The following MYO7B variants were observed in gnomAD, a reference collection of about 807,000 sequenced individuals.
The protein encoded by MYO7B is myosin VIIB.
A neutral mutation model predicts 259.7 loss-of-function variants in MYO7B; 212 were observed. The observed-to-expected ratio is 0.82, with a 90% CI of 0.73 to 0.91. The LOEUF (loss-of-function observed/expected upper bound fraction) is 0.91, where lower values mean the gene tolerates loss of function less well. Among genes scored for constraint, MYO7B ranks in the 40% least tolerant of loss-of-function variants. The pLI is 0.00. For missense variants in MYO7B, 2,732 were observed against 2,813.5 expected (o/e 0.97, Z 0.66); for synonymous variants, 1,197 against 1,166.4 (o/e 1.03, Z -0.54).
In MYO7B at chr2:127,579,366, GC is replaced by G. The variant is rs1314322735; in HGVS notation, c.1003+1082del. Among the ~76,000 whole-genome samples the G allele has an allele frequency of 2.6e-5, 4 of 152,150 alleles. No individual in the cohort carries two copies. In the East Asian group the frequency reaches 5.8e-4, roughly 22 times the overall value. On this transcript the variant is annotated intron_variant, in intron 9 of 47. Transcript: ENST00000409816. Reference sequence around the variant, plus strand: ...GTCCATATAGAAAACAAAAGCTTGGGCCACCATCTCACGCCATGTGAGAATA... The same window carrying G: ...GTCCATATAGAAAACAAAAGCTTGGGCACCATCTCACGCCATGTGAGAATA...
intron 8 of MYO7B, 98 bp from the exon 9 acceptor site, chr2:127,578,035 C>A: frequency 1.4e-6 from 2 of 1,432,844 alleles, no homozygotes; most frequent in Non-Finnish European, 1.9e-6. Flanking sequence ...GTGGTCCACC[C>A]ATTGCCTATG....
In MYO7B at chr2:127,539,808, G is replaced by T. The variant is rs72960532; in HGVS notation, c.-24+3977G>T. 6.6e-4 allele frequency among the ~76,000 whole-genome samples: 100 copies of T among 152,318 alleles called. No homozygotes were observed. Among genetic ancestry groups the T allele is most frequent in the African/African-American group, 2.3e-3 (95 of 41,562 alleles). Reference sequence around the variant, plus strand: ...CAGCAGTGTACACTGCACCCAATGTGTAGTCTTTTGTTGCTCACCCAGCTC... The same window carrying T: ...CAGCAGTGTACACTGCACCCAATGTTTAGTCTTTTGTTGCTCACCCAGCTC... On this transcript the variant is annotated intron_variant, in intron 1 of 47. Coordinates refer to ENST00000409816, the MANE Select transcript of MYO7B (RefSeq NM_001393586.1). This position sits in a 1 kb window ranked among gnomAD's most constrained non-coding sequence, Gnocchi z 4.0.
At position 127,607,009 on chromosome 2, in the gene MYO7B, A is replaced by G. The variant is rs927868086; in HGVS notation, c.2425-197A>G. On this transcript the variant is annotated intron_variant, in intron 20 of 47. Transcript: ENST00000409816. The surrounding 1 kb of genome is among the most constrained non-coding windows in gnomAD (Gnocchi z 4.4). ...CTTATTTAGCACTTATTTGCATGTC[A>G]CGCTCTGGCCTAAGTACTTTGTAAG... Among the ~76,000 whole-genome samples, 18 of 152,256 alleles carry G rather than the reference A, an allele frequency of 1.2e-4. No individual in the cohort carries two copies. The highest frequency in any genetic ancestry group is 3.6e-4 in the African/African-American group (15 of 41,468).
At chr2:127,572,855 T>A (rs1196207102) in intron 6 of MYO7B, among the ~76,000 whole-genome samples, 1 of 152,170 alleles carries the variant, frequency 6.6e-6, no homozygotes, top group African/African-American at 2.4e-5. Context: ...AATTTTGTTA[T>A]TCTTTTTCAA....
In MYO7B at chr2:127,615,055, G is replaced by A. The variant is rs1167912859; in HGVS notation, c.3398+2452G>A. On this transcript the variant is annotated intron_variant, in intron 26 of 47. Transcript: ENST00000409816. This position sits in a 1 kb window ranked among gnomAD's most constrained non-coding sequence, Gnocchi z 4.4. The stretch of plus-strand genomic sequence containing the variant: ...GATGAAGAAGACATGGCTCTGTCCT[G>A]GAGGAGCTCACCCTTTAGCTGGGGG... Among the ~76,000 whole-genome samples the A allele has an allele frequency of 1.3e-5, 2 of 152,154 alleles. No homozygotes were observed. Among genetic ancestry groups the A allele is most frequent in the African/African-American group, 4.8e-5 (2 of 41,440 alleles).
intron 18 of MYO7B, among the ~76,000 whole-genome samples, chr2:127,594,647 A>G (rs967098813): frequency 6.6e-6 from 1 of 152,176 alleles, no homozygotes; most frequent in Non-Finnish European, 1.5e-5. Context: ...ATGTTCCTTC[A>G]ATACCTAGTT....
At chr2:127,623,949 C>G in intron 29 of MYO7B, 144 bp from the exon 30 acceptor site, 1 of 689,006 alleles carries the variant, frequency 1.5e-6, no homozygotes, top group Non-Finnish European at 2.4e-6. Context: ...GGTGTCCACA[C>G]GGGCTCAGCA....
chr2:127,623,379 C>A lies in MYO7B; in HGVS notation c.3819+4C>A. 2 of 1,572,890 alleles carry A rather than the reference C, an allele frequency of 1.3e-6. No individual in the cohort carries two copies. The highest frequency in any genetic ancestry group is 1.7e-6 in the Non-Finnish European group (2 of 1,160,044). On this transcript the variant is annotated splice_donor_region_variant and intron_variant, in intron 29 of 47. Transcript: ENST00000409816. ...CCAGGTCGCCGTGTACGACAAGGTA[C>A]CAGCCAGGCACCCTGCCCGTCAGCC...
chr2:127,538,537 C>A (rs1012442283), intron 1 of MYO7B, among the ~76,000 whole-genome samples: 12 of 151,834 alleles, frequency 7.9e-5, no homozygotes, highest in Non-Finnish European at 1.5e-4. Context: ...CGCTTTGGAG[C>A]CAAACATTTG....
intron 30 of MYO7B, 85 bp from the exon 31 acceptor site, chr2:127,625,283 C>T (rs2105095646): frequency 7.1e-7 from 1 of 1,401,406 alleles, no homozygotes; most frequent in South Asian, 1.6e-5. Flanking sequence ...GGGGCAAGAG[C>T]CCGGCCACGG....
chr2:127,610,399 G>T (rs1231091055), intron 24 of MYO7B, among the ~76,000 whole-genome samples: 1 of 152,160 alleles, frequency 6.6e-6, no homozygotes, highest in African/African-American at 2.4e-5. Flanking sequence ...AACCCTACAA[G>T]GTAGGGATGA....
At chr2:127,610,621 G>A (rs1200245943) in intron 24 of MYO7B, among the ~76,000 whole-genome samples, 1 of 152,252 alleles carries the variant, frequency 6.6e-6, no homozygotes, top group Non-Finnish European at 1.5e-5. Context: ...ATGCTGTAAT[G>A]TTAGTGGAAC....
rs778766460 is a variant in MYO7B at position 127,578,172 on chromosome 2, G to A, written c.889G>A (p.Asp297Asn). 1.2e-6 allele frequency: 2 copies of A among 1,613,712 alleles called. No homozygotes were observed. The highest frequency in any genetic ancestry group is 1.7e-6 in the Non-Finnish European group (2 of 1,179,888). ...CTGTGAGGGGCTCAACGACGCCAAG[G>A]ACTACGCCCACATCCGCTCGGCCAT... ...TSCEGLNDAK[D>N]YAHIRSAMKI... The change falls in exon 9 of 48, where the codon GAC becomes AAC. Residue 297 changes from aspartate to asparagine, a missense_variant. Physicochemically the swap from Asp to Asn is conservative, Grantham distance 23. This residue lies in a region of MYO7B where 1,906 missense variants were observed against 2,026.4 expected (regional missense o/e 0.94). Coordinates refer to ENST00000409816, the MANE Select transcript of MYO7B (RefSeq NM_001393586.1).
rs1346726783 is a variant in MYO7B, at chr2:127,597,685, A to C, written c.2339+1129A>C. ...AGTCTCACTCAGTCAACCAGGCTGGAGTACAGTGGCACAATCTTGGCTCAC... is the reference window on the plus strand; with the variant it reads ...AGTCTCACTCAGTCAACCAGGCTGGCGTACAGTGGCACAATCTTGGCTCAC... On this transcript the variant is annotated intron_variant, in intron 19 of 47. Transcript: ENST00000409816. This position sits in a 1 kb window ranked among gnomAD's most constrained non-coding sequence, Gnocchi z 4.8. 1.3e-5 allele frequency among the ~76,000 whole-genome samples: 2 copies of C among 151,902 alleles called. No individual in the cohort carries two copies. The highest frequency in any genetic ancestry group is 4.8e-5 in the African/African-American group (2 of 41,286).
At position 127,609,373 on chromosome 2, in the gene MYO7B, G is replaced by A. The variant is rs905287165; in HGVS notation, c.2815-133G>A. 1.3e-6 allele frequency: 1 copy of A among 781,204 alleles called. No homozygotes were observed. The highest frequency in any genetic ancestry group is 2.1e-6 in the Non-Finnish European group (1 of 475,996). The allele number at this position is 781,204 out of a possible 1,614,324, so 48.4% of individuals were successfully genotyped here. On this transcript the variant is annotated intron_variant, in intron 22 of 47. Transcript: ENST00000409816. The surrounding 1 kb of genome is among the most constrained non-coding windows in gnomAD (Gnocchi z 6.9). ...CCTGAGCCCACTGAATGTGGGGATG[G>A]GTGGTCTCCAGCACCTGAGGGATCA...
rs371129843 is a variant in MYO7B, at chr2:127,587,163, C to G, written c.1691-1229C>G. ...CAGGGTCGTGCCCTTGGGAGTTCGT[C>G]CTTAGAGACCAAGCAGTGCAGCCCC... On this transcript the variant is annotated intron_variant, in intron 14 of 47. Transcript: ENST00000409816. 2.6e-5 allele frequency among the ~76,000 whole-genome samples: 4 copies of G among 152,174 alleles called. No homozygotes were observed. The East Asian group carries it at 5.8e-4, about 22-fold the overall frequency.
intron 1 of MYO7B, among the ~76,000 whole-genome samples, chr2:127,543,989 C>A (rs1693114949): frequency 6.6e-6 from 1 of 152,006 alleles, no homozygotes. Context: ...TCGTGATCTG[C>A]CTGCCTCTCC....
Position 127,631,869 on chromosome 2 carries a change from G to A in MYO7B, c.5249+116G>A. ...GCTGGTGGCGGCAGAACCCCTGCCTGGGCTCCTGCCTCAGCAGTGGGAAGG... is the reference window on the plus strand; with the variant it reads ...GCTGGTGGCGGCAGAACCCCTGCCTAGGCTCCTGCCTCAGCAGTGGGAAGG... On this transcript the variant is annotated intron_variant, in intron 38 of 47. Transcript: ENST00000409816. The A allele has an allele frequency of 1.1e-5, 15 of 1,343,634 alleles. No homozygotes were observed. The South Asian group carries it at 1.8e-4, about 17-fold the overall frequency. 83.2% of individuals were successfully genotyped at this position (1,343,634 alleles called of 1,614,324 possible). A position where few individuals can be genotyped will look rare whatever the true frequency, so the allele number is the denominator to read the frequency against.
In MYO7B at chr2:127,631,258, C is replaced by T. The variant is rs200195243; in HGVS notation, c.4990C>T (p.Arg1664Cys). ...GGCCGTGCTGCCCCTGGCCCGTGCCCGTGGCCACCTGTGGGCCTATTCCTG... is the reference window on the plus strand; with the variant it reads ...GGCCGTGCTGCCCCTGGCCCGTGCCTGTGGCCACCTGTGGGCCTATTCCTG... ...SMAVLPLARA[R>C]GHLWAYSCEP... The change falls in exon 37 of 48, where the codon CGT becomes TGT. Residue 1664 changes from arginine to cysteine, a missense_variant. Arg to Cys is a radical substitution (Grantham distance 180). Around this residue, in one of 3 missense-constraint regions of MYO7B, gnomAD observed 821 missense variants for 769.3 expected, o/e 1.07. Coordinates refer to ENST00000409816, the MANE Select transcript of MYO7B (RefSeq NM_001393586.1). 409 of 1,611,168 alleles carry T rather than the reference C, an allele frequency of 2.5e-4. 2 individuals carry two copies. The Admixed American group carries it at 6.0e-3, about 24-fold the overall frequency.
Sources: gnomAD v4.1 joint callset for allele counts (sites outside exome capture counted in the v4.1 genomes callset) on GRCh38, gnomAD v4.1.1 for gene constraint, gnomAD v4.1.1 regional missense constraint, Gnocchi (gnomAD v3.1) non-coding constraint, MANE v1.5 for transcripts, NCBI Gene and HGNC (gene_info 2026-07-23, HGNC 2026-07-21) for gene names.